C1orf226: variants seen among roughly 807,000 people sequenced by gnomAD.
The protein encoded by C1orf226 is uncharacterized protein C1orf226.
In C1orf226, 4 loss-of-function variants were observed where a neutral mutation model predicts 10.5. The observed-to-expected ratio is 0.38, with a 90% confidence interval of 0.19 to 0.87. The LOEUF is 0.87. C1orf226 is among the 40% of genes least tolerant of loss of function. The pLI, the probability that C1orf226 is intolerant of heterozygous loss-of-function variation, is 0.41. For synonymous variants in C1orf226, 125 were observed against 139.3 expected (o/e 0.90, Z 0.72); for missense variants, 313 against 336.2 (o/e 0.93, Z 0.54).
chr1:162,379,067 C>A, upstream of C1orf226: 1 of 1,347,870 alleles, frequency 7.4e-7, no homozygotes. Context: ...TGACTTACAT[C>A]CCCAGATGCC....
In C1orf226 at chr1:162,381,951, G is replaced by C; in HGVS notation, c.50G>C (p.Arg17Pro). Residue 17 changes from arginine to proline, a missense_variant, in exon 1 of 2, where the codon CGC becomes CCC. Coordinates refer to ENST00000458626, the MANE Select transcript of C1orf226 (RefSeq NM_001085375.2). ...TALTPKLQAS[R>P]SFPHLSKPVA... ...CTCACTCCAAAGCTCCAGGCCAGCC[G>C]CTCCTTCCCCCACTTGTCCAAGCCC... is the stretch of plus-strand genomic sequence containing the variant. The C allele has an allele frequency of 1.2e-6, 2 of 1,612,874 alleles. No individual in the cohort carries two copies. The highest frequency in any genetic ancestry group is 1.6e-4 in the Middle Eastern group (1 of 6,062).
rs976890257 is a variant in C1orf226, at chr1:162,382,284, A to G, written c.317+66A>G. Reference sequence around the variant, plus strand: ...ACCCACTTGAAAAGGTACAGGGACAAACTGCAGTGTCTGCACAGGAGAACA... The same window carrying G: ...ACCCACTTGAAAAGGTACAGGGACAGACTGCAGTGTCTGCACAGGAGAACA... On this transcript the variant is annotated intron_variant, in intron 1 of 1. Coordinates refer to ENST00000458626, the MANE Select transcript of C1orf226 (RefSeq NM_001085375.2). 26 of 1,513,726 alleles carry G rather than the reference A, an allele frequency of 1.7e-5. No homozygotes were observed. The African/African-American group carries it at 3.1e-4, about 18-fold the overall frequency. 93.8% of individuals were successfully genotyped at this position (1,513,726 alleles called of 1,614,324 possible).
Position 162,383,832 on chromosome 1 carries a change from T to G in C1orf226, c.*149T>G. 1.3e-6 allele frequency: 1 copy of G among 777,832 alleles called. No individual in the cohort carries two copies. Among genetic ancestry groups the G allele is most frequent in the Non-Finnish European group, 2.0e-6 (1 of 502,232 alleles). The allele number at this position is 777,832 out of a possible 1,614,324, so 48.2% of individuals were successfully genotyped here. On this transcript the variant is annotated 3_prime_UTR_variant, in exon 2 of 2. Transcript: ENST00000458626. Reference sequence around the variant, plus strand: ...GAGAGCCAGTCGTCCATCATGGGATTTTGCAGGACTGGAAGTCCTTGAGTA... The same window carrying G: ...GAGAGCCAGTCGTCCATCATGGGATGTTGCAGGACTGGAAGTCCTTGAGTA...
rs772635250 is a variant in C1orf226 at position 162,383,491 on chromosome 1, C to T, written c.627C>T (p.Asp209=). 38 of 1,601,444 alleles carry T rather than the reference C, an allele frequency of 2.4e-5. No homozygotes were observed. The highest frequency in any genetic ancestry group is 9.4e-5 in the African/African-American group (7 of 74,736). ...ACCTAATCCACAAGGATAGCCAGGA[C>T]GAATCCAAGCTAAAGATGACTGAGT... The part of the protein sequence containing the change: ...VPDLIHKDSQ[D]ESKLKMTECR... The change falls in exon 2 of 2, where the codon GAC becomes GAT. Residue 209 remains aspartate (D), a synonymous_variant. Transcript: ENST00000458626.
At position 162,382,145 on chromosome 1, in the gene C1orf226, A is replaced by G; in HGVS notation, c.244A>G (p.Ile82Val). 6.3e-7 allele frequency: 1 copy of G among 1,590,224 alleles called. No homozygotes were observed. Among genetic ancestry groups the G allele is most frequent in the Non-Finnish European group, 8.6e-7 (1 of 1,168,344 alleles). Residue 82 changes from isoleucine (I) to valine (V), a missense_variant, in exon 1 of 2, where the codon ATC becomes GTC. Ile to Val is a conservative substitution (Grantham distance 29). Coordinates refer to ENST00000458626, the MANE Select transcript of C1orf226 (RefSeq NM_001085375.2). ...SSLGSVGVTE[I>V]NKTAGAQLAS... is the part of the protein sequence containing the mutation. ...CCTGGGCAGTGTGGGTGTGACAGAG[A>G]TCAACAAGACTGCAGGAGCACAGCT... is the stretch of plus-strand genomic sequence containing the variant.
At position 162,385,523 on chromosome 1, in the gene C1orf226, GTA is replaced by G. The variant is rs1648083555; in HGVS notation, c.*1841_*1842del. On this transcript the variant is annotated 3_prime_UTR_variant, in exon 2 of 2. Coordinates refer to ENST00000458626, the MANE Select transcript of C1orf226 (RefSeq NM_001085375.2). ...CCCCTCCCTCGTAGGAGTCACTGCA[GTA>G]GGGCACCTGCAGGCCCTGGTAGAGT... The G allele has an allele frequency of 6.6e-6, 1 of 152,290 alleles. No individual in the cohort carries two copies. Among genetic ancestry groups the G allele is most frequent in the Admixed American group, 6.5e-5 (1 of 15,286 alleles). The allele number at this position is 152,290 out of a possible 1,614,324, so 9.4% of individuals were successfully genotyped here.
Position 162,383,226 on chromosome 1 carries a change from C to A in C1orf226, c.362C>A (p.Pro121His). ...ETFPRLDPPP[P>H]ITRKRTPRAL... ...TTTCCTCGGCTGGATCCTCCACCTC[C>A]CATAACCAGAAAGCGAACCCCTCGG... The change falls in exon 2 of 2, where the codon CCC (proline) becomes CAC (histidine). Residue 121 changes from proline (P) to histidine (H), a missense_variant. Physicochemically the swap from Pro to His is moderately conservative, Grantham distance 77. Coordinates refer to ENST00000458626, the MANE Select transcript of C1orf226 (RefSeq NM_001085375.2). The A allele has an allele frequency of 6.2e-7, 1 of 1,610,176 alleles. No individual in the cohort carries two copies. The highest frequency in any genetic ancestry group is 8.5e-7 in the Non-Finnish European group (1 of 1,178,304).
intron 1 of C1orf226, 119 bp from the exon 2 acceptor site, chr1:162,383,063 G>A: frequency 1.1e-6 from 1 of 931,576 alleles, no homozygotes; most frequent in African/African-American, 1.6e-5. Flanking sequence ...CCAAGGAGTA[G>A]AGCAGTTATT....
Position 162,383,852 on chromosome 1 carries a change from T to C in C1orf226, c.*169T>C. On this transcript the variant is annotated 3_prime_UTR_variant, in exon 2 of 2. Coordinates refer to ENST00000458626, the MANE Select transcript of C1orf226 (RefSeq NM_001085375.2). ...GGGATTTTGCAGGACTGGAAGTCCT[T>C]GAGTAGTTCTAGTTAAAGAGTCTAT... is the stretch of plus-strand genomic sequence containing the variant. 1 of 665,236 alleles carries C rather than the reference T, an allele frequency of 1.5e-6. No homozygotes were observed. The highest frequency in any genetic ancestry group is 2.5e-6 in the Non-Finnish European group (1 of 401,188). The allele number at this position is 665,236 out of a possible 1,614,324, so 41.2% of individuals were successfully genotyped here.
upstream of C1orf226, among the ~76,000 whole-genome samples, chr1:162,379,610 G>C (rs897193993): frequency 3.3e-5 from 5 of 152,178 alleles, no homozygotes; most frequent in African/African-American, 1.2e-4. Context: ...GTATTTACTG[G>C]AAAGACTTAG....
chr1:162,383,805 C>A lies in C1orf226; in HGVS notation c.*122C>A. ...TTGTCTTCCTTGTATGAGGCACCAG[C>A]AGAGAGCCAGTCGTCCATCATGGGA... On this transcript the variant is annotated 3_prime_UTR_variant, in exon 2 of 2. Transcript: ENST00000458626. 2 of 964,896 alleles carry A rather than the reference C, an allele frequency of 2.1e-6. No individual in the cohort carries two copies. The highest frequency in any genetic ancestry group is 3.0e-6 in the Non-Finnish European group (2 of 671,226). The allele number at this position is 964,896 out of a possible 1,614,324, so 59.8% of individuals were successfully genotyped here. A position where few individuals can be genotyped will look rare whatever the true frequency, so the allele number is the denominator to read the frequency against.
In C1orf226 at chr1:162,385,878, G is replaced by GTAT. The variant is rs56845749; in HGVS notation, c.*2197_*2199dup. 0.062 allele frequency: 9,511 copies of GTAT among 152,288 alleles called. 967 individuals are homozygous for GTAT. The highest frequency in any genetic ancestry group is 0.22 in the African/African-American group (8,956 of 41,434). 9.4% of individuals were successfully genotyped at this position (152,288 alleles called of 1,614,324 possible). A position where few individuals can be genotyped will look rare whatever the true frequency, so the allele number is the denominator to read the frequency against. On this transcript the variant is annotated 3_prime_UTR_variant, in exon 2 of 2. Coordinates refer to ENST00000458626, the MANE Select transcript of C1orf226 (RefSeq NM_001085375.2). ...GATGATATGGCAGCCATAGGTACAG[G>GTAT]TATTGCAGGTGCAGCCTTTCTTAAG...
At chr1:162,379,556 C>T (rs1197191413), upstream of C1orf226, among the ~76,000 whole-genome samples, 1 of 152,208 alleles carries the variant, frequency 6.6e-6, no homozygotes, top group Non-Finnish European at 1.5e-5. Context: ...AGAAACACTT[C>T]AGGAGCTATG....
In C1orf226 at chr1:162,386,093, G is replaced by A. The variant is rs6690715; in HGVS notation, c.*2410G>A. On this transcript the variant is annotated 3_prime_UTR_variant, in exon 2 of 2. Coordinates refer to ENST00000458626, the MANE Select transcript of C1orf226 (RefSeq NM_001085375.2). ...CAATCTAACTGCCTACAACCTGCCC[G>A]TCCCCCTGCTGCAGGGATGTTGCTG... 38,125 of 152,734 alleles carry A rather than the reference G, an allele frequency of 0.25. 5,367 individuals carry two copies. The highest frequency in any genetic ancestry group is 0.31 in the Non-Finnish European group (21,367 of 68,492). The allele number at this position is 152,734 out of a possible 1,614,324, so 9.5% of individuals were successfully genotyped here.
chr1:162,385,699 A>G lies in C1orf226; in HGVS notation c.*2016A>G, dbSNP rs164176. On this transcript the variant is annotated 3_prime_UTR_variant, in exon 2 of 2. Transcript: ENST00000458626. The stretch of plus-strand genomic sequence containing the variant: ...ATCACACAAAACACCAGAGCTGAGG[A>G]TAGGGATAGAGTCCCCAAACACACA... 0.14 allele frequency: 21,934 copies of G among 152,192 alleles called. 1,811 individuals are homozygous for G. Among genetic ancestry groups the G allele is most frequent in the Middle Eastern group, 0.29 (84 of 294 alleles). The allele number at this position is 152,192 out of a possible 1,614,324, so 9.4% of individuals were successfully genotyped here.
At position 162,383,523 on chromosome 1, in the gene C1orf226, G is replaced by T. The variant is rs762047926; in HGVS notation, c.659G>T (p.Arg220Met). Residue 220 changes from arginine to methionine, a missense_variant, in exon 2 of 2, where the codon AGG (arginine) becomes ATG (methionine). By Grantham distance (91) the Arg-to-Met change is moderately conservative. Coordinates refer to ENST00000458626, the MANE Select transcript of C1orf226 (RefSeq NM_001085375.2). ...AAGCTAAAGATGACTGAGTGCAGAA[G>T]GGCCTCCTCCCCCAGCCTTATCGAG... Reference protein sequence around the residue: ...ESKLKMTECRRASSPSLIERN... With the variant: ...ESKLKMTECRMASSPSLIERN... The T allele has an allele frequency of 6.2e-7, 1 of 1,605,626 alleles. No homozygotes were observed. Among genetic ancestry groups the T allele is most frequent in the African/African-American group, 1.3e-5 (1 of 74,954 alleles).
chr1:162,379,633 G>A (rs1647847018), upstream of C1orf226, among the ~76,000 whole-genome samples: 1 of 152,168 alleles, frequency 6.6e-6, no homozygotes, highest in Non-Finnish European at 1.5e-5. Flanking sequence ...AAGGGTAAAG[G>A]GAGTGCATGG....
upstream of C1orf226, among the ~76,000 whole-genome samples, chr1:162,379,458 A>T (rs535022997): frequency 7.4e-4 from 113 of 152,272 alleles, 1 homozygote; most frequent in African/African-American, 2.6e-3. Context: ...AATTTTTAAG[A>T]ATTCATATAA....
chr1:162,379,521 C>A (rs114133843), upstream of C1orf226, among the ~76,000 whole-genome samples: 846 of 152,300 alleles, frequency 5.6e-3, 10 homozygotes, highest in African/African-American at 0.019. Flanking sequence ...GTGCAAGACC[C>A]TAAGCTGGGC....
Sources: gnomAD v4.1 joint callset for allele counts (sites outside exome capture counted in the v4.1 genomes callset) on GRCh38, gnomAD v4.1.1 for gene constraint, MANE v1.5 for transcripts, NCBI Gene and HGNC (gene_info 2026-07-23, HGNC 2026-07-21) for gene names.